Variants in ABRA observed in about 807,000 individuals in gnomAD.
The protein encoded by ABRA is actin binding Rho activating protein, also known as actin-binding Rho-activating protein.
In ABRA, 25 loss-of-function variants were observed where a neutral mutation model predicts 33.4. The observed-to-expected ratio is 0.75, with a 90% confidence interval of 0.55 to 1.04. ABRA has a LOEUF of 1.04. Ranked by LOEUF, ABRA falls within the 50% of genes least tolerant of loss-of-function variation. The probability of loss-of-function intolerance (pLI) is 0.00; values close to 1 mark genes in which losing one functional copy is unlikely to be tolerated. For missense variants in ABRA, 501 were observed against 491.7 expected (o/e 1.02, Z -0.18); for synonymous variants, 193 against 176.8 (o/e 1.09, Z -0.73).
At chr8:106,764,935 C>G (rs1181925587) in intron 1 of ABRA, among the ~76,000 whole-genome samples, 1 of 151,992 alleles carries the variant, frequency 6.6e-6, no homozygotes, top group African/African-American at 2.4e-5. Flanking sequence ...TTTGGTTTAA[C>G]TCAGGGTTAG....
chr8:106,766,456 GA>G (rs1368248878), intron 1 of ABRA, among the ~76,000 whole-genome samples: 7 of 152,000 alleles, frequency 4.6e-5, no homozygotes, highest in South Asian at 4.2e-4. Flanking sequence ...AAAATAAGTG[GA>G]CAAAAAGGCT....
rs34165567 is a variant in ABRA at position 106,761,075 on chromosome 8, C to T, written c.1108G>A (p.Gly370Ser). The change falls in exon 2 of 2, where the codon GGC becomes AGC. Residue 370 changes from glycine (G) to serine (S), a missense_variant. Physicochemically the swap from Gly to Ser is moderately conservative, Grantham distance 56. Coordinates refer to ENST00000311955, the MANE Select transcript of ABRA (RefSeq NM_139166.5). ...GTAATCACAACATGGTCATCTCGGC[C>T]TTGCCATAGCATCTCTCCTTCAAAG... ...VDFEGEMLWQ[G>S]RDDHVVITLL... is the part of the protein sequence containing the mutation. 2.8e-5 allele frequency: 45 copies of T among 1,614,182 alleles called. No homozygotes were observed. The African/African-American group carries it at 5.5e-4, about 20-fold the overall frequency.
At chr8:106,767,941 A>G (rs1456355406) in intron 1 of ABRA, among the ~76,000 whole-genome samples, 1 of 152,078 alleles carries the variant, frequency 6.6e-6, no homozygotes, top group African/African-American at 2.4e-5. Context: ...CTAAAAATAC[A>G]AAAATTAGCT....
chr8:106,769,302 A>C (rs972457083), intron 1 of ABRA, among the ~76,000 whole-genome samples: 1 of 152,210 alleles, frequency 6.6e-6, no homozygotes, highest in Non-Finnish European at 1.5e-5. Context: ...AACAAAAACG[A>C]GAAACAAAAT....
In ABRA at chr8:106,761,495, T is replaced by G; in HGVS notation, c.688A>C (p.Lys230Gln). 1 of 1,613,472 alleles carries G rather than the reference T, an allele frequency of 6.2e-7. No homozygotes were observed. Among genetic ancestry groups the G allele is most frequent in the Non-Finnish European group, 8.5e-7 (1 of 1,179,622 alleles). ...LPSQVNRFTE[K>Q]LNCKAQQKYS... is the part of the protein sequence containing the mutation. ...TTCTGTTGGGCTTTGCAGTTGAGTT[T>G]CTCTGTAAATCTGTTTACCCTAAAG... Residue 230 changes from lysine to glutamine, a missense_variant, in exon 2 of 2, where the codon AAA becomes CAA. Physicochemically the swap from Lys to Gln is moderately conservative, Grantham distance 53. Transcript: ENST00000311955.
In ABRA at chr8:106,759,623, G is replaced by A. The variant is rs181134162; in HGVS notation, c.*1414C>T. The A allele has an allele frequency of 2.6e-5, 4 of 152,218 alleles. No individual in the cohort carries two copies. The highest frequency in any genetic ancestry group is 9.6e-5 in the African/African-American group (4 of 41,556). 9.4% of individuals were successfully genotyped at this position (152,218 alleles called of 1,614,324 possible). ...ACTTATAGCTTTATAAATACGGTAT[G>A]GAAACAAAATACGCATACTTTCTTA... is the stretch of plus-strand genomic sequence containing the variant. On this transcript the variant is annotated 3_prime_UTR_variant, in exon 2 of 2. Coordinates refer to ENST00000311955, the MANE Select transcript of ABRA (RefSeq NM_139166.5).
intron 1 of ABRA, among the ~76,000 whole-genome samples, chr8:106,768,024 G>T (rs1697352123): frequency 6.6e-6 from 1 of 151,212 alleles, no homozygotes; most frequent in African/African-American, 2.4e-5. Flanking sequence ...GAACTCAGGA[G>T]ATGGAGGTTG....
chr8:106,761,385 A>T lies in ABRA; in HGVS notation c.798T>A (p.Ser266Arg). The T allele has an allele frequency of 6.2e-7, 1 of 1,614,056 alleles. No individual in the cohort carries two copies. Among genetic ancestry groups the T allele is most frequent in the Non-Finnish European group, 8.5e-7 (1 of 1,180,020 alleles). ...HIQSQKLNPF[S>R]EEFDYELAMS... ...TGGCCAGCTCGTAATCAAACTCTTC[A>T]CTGAAAGGATTGAGCTTCTGGGATT... The change falls in exon 2 of 2, where the codon AGT becomes AGA. Residue 266 changes from serine (S) to arginine (R), a missense_variant. Physicochemically the swap from Ser to Arg is moderately radical, Grantham distance 110. Transcript: ENST00000311955.
At chr8:106,765,322 C>T (rs932100412) in intron 1 of ABRA, among the ~76,000 whole-genome samples, 4 of 152,168 alleles carry the variant, frequency 2.6e-5, no homozygotes, top group Non-Finnish European at 5.9e-5. Flanking sequence ...ACTTGAATCA[C>T]CAGCTTCAAA....
chr8:106,762,808 T>G (rs1158573740), intron 1 of ABRA, among the ~76,000 whole-genome samples: 1 of 152,168 alleles, frequency 6.6e-6, no homozygotes, highest in Admixed American at 6.5e-5. Context: ...TGCACGTGTA[T>G]CCCAGAACTC....
In ABRA at chr8:106,761,371, T is replaced by A. The variant is rs1192741628; in HGVS notation, c.812A>T (p.Tyr271Phe). The A allele has an allele frequency of 2.5e-6, 4 of 1,614,178 alleles. No individual in the cohort carries two copies. The highest frequency in any genetic ancestry group is 3.4e-6 in the Non-Finnish European group (4 of 1,180,042). ...TAGGCGGGTGGACATGGCCAGCTCG[T>A]AATCAAACTCTTCACTGAAAGGATT... ...KLNPFSEEFD[Y>F]ELAMSTRLHK... Residue 271 changes from tyrosine (Y) to phenylalanine (F), a missense_variant, in exon 2 of 2, where the codon TAC becomes TTC. Coordinates refer to ENST00000311955, the MANE Select transcript of ABRA (RefSeq NM_139166.5).
At chr8:106,764,158 A>T (rs1288444363) in intron 1 of ABRA, among the ~76,000 whole-genome samples, 1 of 152,208 alleles carries the variant, frequency 6.6e-6, no homozygotes, top group African/African-American at 2.4e-5. Context: ...CTGATTTTGT[A>T]ACAAAGAAAG....
At chr8:106,769,225 G>GA (rs1810556958) in intron 1 of ABRA, among the ~76,000 whole-genome samples, 1 of 152,174 alleles carries the variant, frequency 6.6e-6, no homozygotes, top group African/African-American at 2.4e-5. Context: ...AAGAATTCAC[G>GA]AAAAACAGGC....
chr8:106,765,808 T>G (rs1836211709), intron 1 of ABRA, among the ~76,000 whole-genome samples: 1 of 152,198 alleles, frequency 6.6e-6, no homozygotes, highest in Non-Finnish European at 1.5e-5. Flanking sequence ...CCTTTGTTTC[T>G]TGTGAGATCC....
rs1836124297 is a variant in ABRA, at chr8:106,760,833, T to C, written c.*204A>G. 1 of 590,198 alleles carries C rather than the reference T, an allele frequency of 1.7e-6. No homozygotes were observed. The highest frequency in any genetic ancestry group is 1.9e-5 in the African/African-American group (1 of 53,848). 36.6% of individuals were successfully genotyped at this position (590,198 alleles called of 1,614,324 possible). On this transcript the variant is annotated 3_prime_UTR_variant, in exon 2 of 2. Coordinates refer to ENST00000311955, the MANE Select transcript of ABRA (RefSeq NM_139166.5). ...ACTATTATTATACATTAACATTCTA[T>C]GTGCTTTCTGAAATGCTTTGTGCCT...
Position 106,761,521 on chromosome 8 carries a change from TAG to T in ABRA, c.669-9_669-8del, listed in dbSNP as rs752204010. The T allele has an allele frequency of 1.2e-6, 2 of 1,603,898 alleles. No homozygotes were observed. Among genetic ancestry groups the T allele is most frequent in the East Asian group, 4.5e-5 (2 of 44,758 alleles). On this transcript the variant is annotated splice_region_variant and splice_polypyrimidine_tract_variant and intron_variant, in intron 1 of 1. Coordinates refer to ENST00000311955, the MANE Select transcript of ABRA (RefSeq NM_139166.5). Reference sequence around the variant, plus strand: ...CTCTGTAAATCTGTTTACCCTAAAGTAGAGAGAGGGTGAACAATCAAGATTCA... The same window carrying T: ...CTCTGTAAATCTGTTTACCCTAAAGTAGAGAGGGTGAACAATCAAGATTCA...
intron 1 of ABRA, 41 bp from the exon 2 acceptor site, chr8:106,761,555 T>G (rs1836141578): frequency 2.6e-6 from 4 of 1,524,768 alleles, no homozygotes; most frequent in Non-Finnish European, 3.6e-6. Flanking sequence ...TTCAGATATG[T>G]TAACACCGAG....
At chr8:106,768,712 C>T (rs1323574609) in intron 1 of ABRA, among the ~76,000 whole-genome samples, 1 of 152,146 alleles carries the variant, frequency 6.6e-6, no homozygotes, top group Non-Finnish European at 1.5e-5. Flanking sequence ...TGGCTCACTC[C>T]GACATCAGCC....
intron 1 of ABRA, among the ~76,000 whole-genome samples, chr8:106,767,266 C>T (rs1176566365): frequency 6.6e-6 from 1 of 152,188 alleles, no homozygotes; most frequent in Middle Eastern, 3.2e-3. Flanking sequence ...TCCCAGCTGT[C>T]ACCTCCTTAC....
Sources: allele counts gnomAD v4.1 joint callset (sites outside exome capture counted in the v4.1 genomes callset), GRCh38; gene constraint gnomAD v4.1.1; transcripts MANE v1.5; gene names NCBI Gene and HGNC (gene_info 2026-07-23, HGNC 2026-07-21).